The following POT1 variants were observed in gnomAD, a reference collection of about 807,000 sequenced individuals.
The protein encoded by POT1 is protection of telomeres protein 1.
Under a neutral mutation model 78.5 loss-of-function variants are expected in POT1, and 47 were observed. The observed-to-expected ratio is 0.60, with a 90% CI of 0.47 to 0.76. The LOEUF (loss-of-function observed/expected upper bound fraction) is 0.76, where lower values mean the gene tolerates loss of function less well. Among genes scored for constraint, POT1 ranks in the 30% least tolerant of loss-of-function variants. POT1 has a pLI of 0.00. For synonymous variants in POT1, 259 were observed against 260.7 expected, an observed-to-expected ratio of 0.99 and a Z score of 0.06; for missense variants, 646 against 749.9, an observed-to-expected ratio of 0.86 and a Z score of 1.62.
intron 6 of POT1, 55 bp from the exon 7 acceptor site, chr7:124,871,096 A>T: frequency 6.9e-7 from 1 of 1,454,712 alleles, no homozygotes; most frequent in Non-Finnish European, 9.4e-7. Context: ...GCATTTGATA[A>T]AATAAGAATA....
chr7:124,905,934 T>C (rs1796754675), intron 3 of POT1, among the ~76,000 whole-genome samples: 1 of 151,968 alleles, frequency 6.6e-6, no homozygotes, highest in Non-Finnish European at 1.5e-5. Flanking sequence ...AAAACCACAA[T>C]GAGATACCAT....
At chr7:124,849,162 CA>C (rs1795243656) in intron 11 of POT1, among the ~76,000 whole-genome samples, 1 of 152,072 alleles carries the variant, frequency 6.6e-6, no homozygotes, top group East Asian at 1.9e-4. Flanking sequence ...ATGGACATCT[CA>C]AGCTGGCATG....
At chr7:124,835,136 T>C in intron 15 of POT1, 143 bp downstream of exon 15, 2 of 947,752 alleles carry the variant, frequency 2.1e-6, no homozygotes, top group Non-Finnish European at 3.1e-6. Context: ...GAGAAATGCC[T>C]AATGCAGGTG....
chr7:124,822,491 C>G lies in POT1; in HGVS notation c.*1471G>C, dbSNP rs187584000. On this transcript the variant is annotated 3_prime_UTR_variant, in exon 19 of 19. Transcript: ENST00000357628. ...TTCCTTTGTTAACGTGGAGATCTTGCAGGCTCACAGTGTGAACATATGGCA... is the reference window on the plus strand; with the variant it reads ...TTCCTTTGTTAACGTGGAGATCTTGGAGGCTCACAGTGTGAACATATGGCA... The G allele has an allele frequency of 4.4e-4, 195 of 445,000 alleles. No homozygotes were observed. The highest frequency in any genetic ancestry group is 3.6e-3 in the African/African-American group (179 of 49,876). 27.6% of individuals were successfully genotyped at this position (445,000 alleles called of 1,614,324 possible). A position where few individuals can be genotyped will look rare whatever the true frequency, so the allele number is the denominator to read the frequency against.
At chr7:124,883,689 T>C (rs1337893875) in intron 6 of POT1, among the ~76,000 whole-genome samples, 5 of 152,158 alleles carry the variant, frequency 3.3e-5, no homozygotes, top group South Asian at 2.1e-4. Context: ...CATAGATATA[T>C]GCATAAGTCT....
In POT1 at chr7:124,823,938, T is replaced by C; in HGVS notation, c.*24A>G. 3.5e-6 allele frequency: 5 copies of C among 1,445,184 alleles called. No individual in the cohort carries two copies. The highest frequency in any genetic ancestry group is 4.8e-6 in the Non-Finnish European group (5 of 1,032,052). The allele number at this position is 1,445,184 out of a possible 1,614,324, so 89.5% of individuals were successfully genotyped here. A position where few individuals can be genotyped will look rare whatever the true frequency, so the allele number is the denominator to read the frequency against. ...AGGGAAGGTGAGTGGCAACATTTTA[T>C]GTATGCTAAATTGGATGGCAATATT... On this transcript the variant is annotated 3_prime_UTR_variant, in exon 19 of 19. Transcript: ENST00000357628.
chr7:124,859,007 T>C lies in POT1; in HGVS notation c.652A>G (p.Ile218Val), dbSNP rs1795515981. Reference sequence around the variant, plus strand: ...TGGTTATCGTAGACTAAAATGTCTATTGTCAGATTTTGTAGCCGATGGATG... The same window carrying C: ...TGGTTATCGTAGACTAAAATGTCTACTGTCAGATTTTGTAGCCGATGGATG... ...SHIHRLQNLT[I>V]DILVYDNHVH... The change falls in exon 9 of 19, where the codon ATA becomes GTA. Residue 218 changes from isoleucine to valine, a missense_variant. Physicochemically the swap from Ile to Val is conservative, Grantham distance 29. This residue lies in a region of POT1 where 252 missense variants were observed against 341.4 expected (regional missense o/e 0.74). Transcript: ENST00000357628. 8 of 1,611,216 alleles carry C rather than the reference T, an allele frequency of 5.0e-6. No homozygotes were observed. The highest frequency in any genetic ancestry group is 1.3e-5 in the African/African-American group (1 of 74,980).
chr7:124,870,688 T>G (rs1218081286), intron 7 of POT1, among the ~76,000 whole-genome samples: 1 of 152,160 alleles, frequency 6.6e-6, no homozygotes, highest in Admixed American at 6.5e-5. Context: ...AATCATGGCA[T>G]GTAATACATT....
At chr7:124,854,667 CCT>C (rs1395840766) in intron 9 of POT1, among the ~76,000 whole-genome samples, 2 of 151,706 alleles carry the variant, frequency 1.3e-5, no homozygotes, top group African/African-American at 2.4e-5. Context: ...TTTCCTTTGA[CCT>C]CTTTCACTTA....
chr7:124,858,308 T>C (rs1015902107), intron 9 of POT1, among the ~76,000 whole-genome samples: 4 of 152,176 alleles, frequency 2.6e-5, no homozygotes, highest in Non-Finnish European at 5.9e-5. Context: ...ACTGCATTAT[T>C]ATTTATCATA....
chr7:124,886,421 T>C (rs539636830), intron 6 of POT1, among the ~76,000 whole-genome samples: 12 of 152,194 alleles, frequency 7.9e-5, no homozygotes, highest in Non-Finnish European at 1.8e-4. Flanking sequence ...GTAATACTAA[T>C]GAAGGTTATC....
intron 17 of POT1, among the ~76,000 whole-genome samples, chr7:124,826,670 A>G (rs995952119): frequency 3.9e-5 from 6 of 152,180 alleles, no homozygotes; most frequent in South Asian, 4.1e-4. Context: ...CAGGAGTTCA[A>G]GACCAGCCTG....
At position 124,829,422 on chromosome 7, in the gene POT1, T is replaced by C. The variant is rs1324291896; in HGVS notation, c.1506-80A>G. The C allele has an allele frequency of 8.6e-6, 7 of 814,480 alleles. No homozygotes were observed. In the East Asian group the frequency reaches 1.3e-4, roughly 16 times the overall value. The allele number at this position is 814,480 out of a possible 1,614,324, so 50.5% of individuals were successfully genotyped here. ...GTTATAACTTTTTACTGCTCAAACA[T>C]GTGTAGTTTTAAAATATAAATTATT... is the stretch of plus-strand genomic sequence containing the variant. On this transcript the variant is annotated intron_variant, in intron 15 of 18. Coordinates refer to ENST00000357628, the MANE Select transcript of POT1 (RefSeq NM_015450.3).
At chr7:124,845,521 C>T (rs1215619026) in intron 12 of POT1, among the ~76,000 whole-genome samples, 2 of 152,122 alleles carry the variant, frequency 1.3e-5, no homozygotes, top group African/African-American at 4.8e-5. Context: ...TTACTGTAGA[C>T]CTAAACTTTA....
At chr7:124,849,054 CATT>C (rs1167641228) in intron 11 of POT1, among the ~76,000 whole-genome samples, 6 of 152,058 alleles carry the variant, frequency 3.9e-5, no homozygotes, top group African/African-American at 1.4e-4. Flanking sequence ...CATAACAGTA[CATT>C]ATGTTTTTAT....
intron 2 of POT1, among the ~76,000 whole-genome samples, chr7:124,923,739 TAAAGTC>T (rs1047586403): frequency 6.6e-6 from 1 of 150,534 alleles, no homozygotes; most frequent in African/African-American, 2.4e-5. Flanking sequence ...TCAGAATGTG[TAAAGTC>T]AAAGTTAAAA....
intron 17 of POT1, among the ~76,000 whole-genome samples, chr7:124,826,619 C>G (rs1794636087): frequency 6.6e-6 from 1 of 152,178 alleles, no homozygotes; most frequent in Admixed American, 6.5e-5. Flanking sequence ...CGCCTGTAAT[C>G]TCAGCACTTT....
At chr7:124,926,028 T>G (rs1322610560) in intron 2 of POT1, among the ~76,000 whole-genome samples, 2 of 152,142 alleles carry the variant, frequency 1.3e-5, no homozygotes, top group East Asian at 3.8e-4. Flanking sequence ...GGAAAAACTC[T>G]TCTAGATATT....
intron 7 of POT1, 83 bp from the exon 8 acceptor site, chr7:124,863,723 A>T: frequency 2.7e-6 from 3 of 1,109,566 alleles, no homozygotes; most frequent in Non-Finnish European, 3.9e-6. Flanking sequence ...GAAACTGGAA[A>T]GATTATCAAT....
Sources: allele counts gnomAD v4.1 joint callset (sites outside exome capture counted in the v4.1 genomes callset), GRCh38; gene constraint gnomAD v4.1.1; regional missense constraint gnomAD v4.1.1; transcripts MANE v1.5; gene names NCBI Gene and HGNC (gene_info 2026-07-23, HGNC 2026-07-21).